Variants in PUM3 observed in about 807,000 individuals in gnomAD.
PUM3 encodes pumilio homolog 3.
Under a neutral mutation model 84.0 loss-of-function variants are expected in PUM3, and 91 were observed. That is an observed-to-expected ratio of 1.08 (90% CI 0.91 to 1.29). The LOEUF (loss-of-function observed/expected upper bound fraction) is 1.29. Ranked by LOEUF, PUM3 falls within the 50% of genes most tolerant of loss-of-function variation. The pLI is 0.00. For missense variants in PUM3, 1,067 were observed against 767.5 expected (o/e 1.39, Z -4.61); for synonymous variants, 321 against 266.7 (o/e 1.20, Z -1.98).
chr9:2,806,986 A>G (rs1821271740), intron 17 of PUM3, among the ~76,000 whole-genome samples: 1 of 152,132 alleles, frequency 6.6e-6, no homozygotes, highest in Non-Finnish European at 1.5e-5. Context: ...AGGTGGGCAG[A>G]TCACGAGGTC....
chr9:2,842,272 G>C (rs1480232199), intron 1 of PUM3, among the ~76,000 whole-genome samples: 1 of 151,976 alleles, frequency 6.6e-6, no homozygotes, highest in African/African-American at 2.4e-5. Flanking sequence ...GTTTTGTTTA[G>C]ATCCTATCTG....
chr9:2,819,339 A>G (rs547961159), intron 13 of PUM3, among the ~76,000 whole-genome samples: 1 of 152,354 alleles, frequency 6.6e-6, no homozygotes, highest in Admixed American at 6.5e-5. Flanking sequence ...GGTTTTTCTG[A>G]AGGCAACGTT....
intron 13 of PUM3, among the ~76,000 whole-genome samples, chr9:2,819,163 C>T (rs898893926): frequency 6.6e-6 from 1 of 152,122 alleles, no homozygotes; most frequent in African/African-American, 2.4e-5. Context: ...TTTCTTATCC[C>T]CACCCTGCTG....
Position 2,834,131 on chromosome 9 carries a change from T to G in PUM3, c.340A>C (p.Lys114Gln). The G allele has an allele frequency of 6.2e-7, 1 of 1,613,594 alleles. No homozygotes were observed. The highest frequency in any genetic ancestry group is 8.5e-7 in the Non-Finnish European group (1 of 1,179,694). The change falls in exon 4 of 18, where the codon AAA (lysine) becomes CAA (glutamine). Residue 114 changes from lysine to glutamine, a missense_variant. By Grantham distance (53) the Lys-to-Gln change is moderately conservative (BLOSUM62 1). Coordinates refer to ENST00000397885, the MANE Select transcript of PUM3 (RefSeq NM_014878.5). ...TGCTTCAGTTCTTTCTTCTTCTTTT[T>G]GAAGTCATCCCATTTGGGCTTCTTG... is the stretch of plus-strand genomic sequence containing the variant. ...AAKKPKWDDF[K>Q]KKKKELKQSR...
chr9:2,831,425 T>A (rs1815976823), intron 5 of PUM3, 81 bp from the exon 6 acceptor site: 1 of 879,254 alleles, frequency 1.1e-6, no homozygotes, highest in Non-Finnish European at 1.8e-6. Context: ...TCTTCTGGAA[T>A]TTCTTGTTAG....
intron 12 of PUM3, among the ~76,000 whole-genome samples, chr9:2,821,027 GATAA>G (rs1272250488): frequency 6.6e-6 from 1 of 152,156 alleles, no homozygotes; most frequent in Non-Finnish European, 1.5e-5. Flanking sequence ...AGCCAGATCT[GATAA>G]ATATCACAGA....
chr9:2,804,505 A>G (rs1334982372), intron 17 of PUM3, 42 bp from the exon 18 acceptor site: 9 of 1,585,020 alleles, frequency 5.7e-6, no homozygotes, highest in Non-Finnish European at 7.7e-6. Context: ...GCATTCCTAG[A>G]TCATCTCCAA....
At chr9:2,827,798 T>C (rs1403259725) in intron 9 of PUM3, among the ~76,000 whole-genome samples, 1 of 152,252 alleles carries the variant, frequency 6.6e-6, no homozygotes, top group Non-Finnish European at 1.5e-5. Context: ...CCAACCCATT[T>C]AATCTTCACA....
At chr9:2,811,641 G>C (rs970952039) in intron 14 of PUM3, 58 bp from the exon 15 acceptor site, 2 of 1,284,944 alleles carry the variant, frequency 1.6e-6, no homozygotes, top group Non-Finnish European at 2.2e-6. Flanking sequence ...GAAATGTGGT[G>C]ATATTATCAC....
Position 2,832,826 on chromosome 9 carries a change from T to C in PUM3, c.516+531A>G, listed in dbSNP as rs1295274230. Among the ~76,000 whole-genome samples, 3 of 152,202 alleles carry C rather than the reference T, an allele frequency of 2.0e-5. No individual in the cohort carries two copies. The South Asian group carries it at 6.2e-4, about 31-fold the overall frequency. On this transcript the variant is annotated intron_variant, in intron 5 of 17. Transcript: ENST00000397885. ...GAGAATCTGTTGTCTTCCAAGCCAT[T>C]ATGTATTAATCCAAATACACAAGAG...
rs540777895 is a variant in PUM3, at chr9:2,807,294, T to C, written c.1814+520A>G. ...TGAATGTTATAATTTGTCAAAAAGA[T>C]GGTAGTTTAAAAATCCTAAGGGCCA... is the stretch of plus-strand genomic sequence containing the variant. On this transcript the variant is annotated intron_variant, in intron 17 of 17. Transcript: ENST00000397885. Among the ~76,000 whole-genome samples, 5 of 151,680 alleles carry C rather than the reference T, an allele frequency of 3.3e-5. No individual in the cohort carries two copies. The South Asian group carries it at 6.3e-4, about 19-fold the overall frequency.
intron 13 of PUM3, among the ~76,000 whole-genome samples, chr9:2,816,056 T>G (rs1821461208): frequency 6.6e-6 from 1 of 152,096 alleles, no homozygotes; most frequent in African/African-American, 2.4e-5. Flanking sequence ...TGAAGTAGGG[T>G]TAAGGCGTGT....
intron 12 of PUM3, among the ~76,000 whole-genome samples, chr9:2,822,502 A>G (rs1245298906): frequency 2.6e-5 from 4 of 151,844 alleles, no homozygotes; most frequent in Non-Finnish European, 5.9e-5. Context: ...ATTTAAAAAG[A>G]TATGTACTTA....
intron 13 of PUM3, among the ~76,000 whole-genome samples, chr9:2,816,130 G>T (rs577926837): frequency 6.6e-6 from 1 of 152,222 alleles, no homozygotes; most frequent in Non-Finnish European, 1.5e-5. Flanking sequence ...GACTGAGCCT[G>T]TGGTGTCCAC....
chr9:2,814,360 A>C (rs1420616682), intron 13 of PUM3, among the ~76,000 whole-genome samples: 1 of 152,022 alleles, frequency 6.6e-6, no homozygotes, highest in African/African-American at 2.4e-5. Context: ...TATAGGCTGC[A>C]CTATGACACC....
chr9:2,813,903 C>T (rs569253434), intron 13 of PUM3, among the ~76,000 whole-genome samples: 2 of 152,206 alleles, frequency 1.3e-5, no homozygotes, highest in African/African-American at 2.4e-5. Flanking sequence ...GAGCTGCACA[C>T]TGATCATCTA....
Position 2,811,570 on chromosome 9 carries a change from C to T in PUM3, c.1426G>A (p.Glu476Lys), listed in dbSNP as rs551241677. Residue 476 changes from glutamate to lysine, a missense_variant, in exon 15 of 18, where the codon GAG (glutamate) becomes AAG (lysine). By Grantham distance (56) the Glu-to-Lys change is moderately conservative. Transcript: ENST00000397885. The part of the protein sequence containing the change: ...DGNAHSKKDT[E>K]VRRRELLESI... ...TCTAGGAGCTCCCGTCTGCGGACCT[C>T]TGTATCTTTCTTACTGTTGAGTATG... The T allele has an allele frequency of 1.9e-6, 3 of 1,613,616 alleles. No individual in the cohort carries two copies. The East Asian group carries it at 6.7e-5, about 36-fold the overall frequency.
intron 7 of PUM3, among the ~76,000 whole-genome samples, chr9:2,830,345 GATT>G (rs1815942654): frequency 6.6e-6 from 1 of 152,060 alleles, no homozygotes; most frequent in Non-Finnish European, 1.5e-5. Context: ...TTTTGTTGTT[GATT>G]ATCATATTCT....
At chr9:2,833,116 C>A (rs1224042136) in intron 5 of PUM3, among the ~76,000 whole-genome samples, 2 of 152,140 alleles carry the variant, frequency 1.3e-5, no homozygotes, top group Non-Finnish European at 2.9e-5. Context: ...GAAACACTGG[C>A]TTATTTTAAG....
Sources: gnomAD v4.1 joint callset for allele counts (sites outside exome capture counted in the v4.1 genomes callset) on GRCh38, gnomAD v4.1.1 for gene constraint, MANE v1.5 for transcripts, NCBI Gene and HGNC (gene_info 2026-07-23, HGNC 2026-07-21) for gene names.